DPP9: variants seen among roughly 807,000 people sequenced by gnomAD.
The protein encoded by DPP9 is dipeptidyl peptidase 9, also known as dipeptidyl peptidase IV-related protein-2.
In DPP9, 50 loss-of-function variants were observed where a neutral mutation model predicts 110.7. The observed-to-expected ratio is 0.45, with a 90% CI of 0.36 to 0.57. The LOEUF (loss-of-function observed/expected upper bound fraction) is 0.57. Among genes scored for constraint, DPP9 ranks in the 20% least tolerant of loss-of-function variants. The probability of loss-of-function intolerance (pLI) is 0.00; values close to 1 mark genes in which losing one functional copy is unlikely to be tolerated. For synonymous variants in DPP9, 561 were observed against 514.4 expected, an observed-to-expected ratio of 1.09 and a Z score of -1.23; for missense variants, 1,022 against 1,217.9, an observed-to-expected ratio of 0.84 and a Z score of 2.39.
In DPP9 at chr19:4,684,628, C is replaced by T. The variant is rs993878466; in HGVS notation, c.2178+35G>A. ...CGGCCCAGGGCTCCCTTCCCGAGACCCAAAGGACCCAGAGCAACAGGGAGG... is the reference window on the plus strand; with the variant it reads ...CGGCCCAGGGCTCCCTTCCCGAGACTCAAAGGACCCAGAGCAACAGGGAGG... On this transcript the variant is annotated intron_variant, in intron 18 of 21. Transcript: ENST00000262960. The surrounding 1 kb of genome is among the most constrained non-coding windows in gnomAD (Gnocchi z 4.8). 2 of 1,610,866 alleles carry T rather than the reference C, an allele frequency of 1.2e-6. No homozygotes were observed. The highest frequency in any genetic ancestry group is 1.1e-5 in the South Asian group (1 of 90,642).
chr19:4,680,056 C>T (rs1291741196), intron 20 of DPP9, 110 bp from the exon 21 acceptor site: 2 of 700,922 alleles, frequency 2.9e-6, no homozygotes, highest in Non-Finnish European at 2.5e-6. Context: ...ATGGTGAAAC[C>T]CTGTCTCTAC....
Position 4,704,527 on chromosome 19 carries a change from TAGG to T in DPP9, c.427-226_427-224del, listed in dbSNP as rs1315943625. Among the ~76,000 whole-genome samples, 22 of 152,090 alleles carry T rather than the reference TAGG, an allele frequency of 1.4e-4. No individual in the cohort carries two copies. Among genetic ancestry groups the T allele is most frequent in the Non-Finnish European group, 2.9e-4 (20 of 67,946 alleles). On this transcript the variant is annotated intron_variant, in intron 5 of 21. Coordinates refer to ENST00000262960, the MANE Select transcript of DPP9 (RefSeq NM_139159.5). This position sits in a 1 kb window ranked among gnomAD's most constrained non-coding sequence, Gnocchi z 6.0. ...GCCCTGCAGGACTGGCTGAGTGTCCTAGGAGGTGGCAGGGGAGACTCTGGGGCC... is the reference window on the plus strand; with the variant it reads ...GCCCTGCAGGACTGGCTGAGTGTCCTAGGTGGCAGGGGAGACTCTGGGGCC...
At chr19:4,683,374 C>A in intron 19 of DPP9, 103 bp downstream of exon 19, 1 of 1,543,818 alleles carries the variant, frequency 6.5e-7, no homozygotes, top group South Asian at 1.2e-5. Context: ...GGCGCCTCCC[C>A]GGTAGGTGGG....
Position 4,711,395 on chromosome 19 carries a change from C to T in DPP9, c.313+2686G>A, listed in dbSNP as rs957237615. Among the ~76,000 whole-genome samples, 4 of 152,168 alleles carry T rather than the reference C, an allele frequency of 2.6e-5. 1 individual carries two copies. Among genetic ancestry groups the T allele is most frequent in the South Asian group, 4.2e-4 (2 of 4,816 alleles). ...CGTTACACAGAGAGACAGGCCTGTG[C>T]GGCTGGGATTAAGTGAAGGCTCTTG... On this transcript the variant is annotated intron_variant, in intron 4 of 21. Coordinates refer to ENST00000262960, the MANE Select transcript of DPP9 (RefSeq NM_139159.5).
In DPP9 at chr19:4,676,649, G is replaced by A; in HGVS notation, c.2594C>T (p.Pro865Leu). 1 of 1,601,774 alleles carries A rather than the reference G, an allele frequency of 6.2e-7. No individual in the cohort carries two copies. Among genetic ancestry groups the A allele is most frequent in the Non-Finnish European group, 8.5e-7 (1 of 1,174,252 alleles). The change falls in exon 22 of 22, where the codon CCC becomes CTC. Residue 865 changes from proline to leucine, a missense_variant. Physicochemically the swap from Pro to Leu is moderately conservative, Grantham distance 98. Around this residue, in one of 3 missense-constraint regions of DPP9, gnomAD observed 209 missense variants for 280.4 expected, o/e 0.75. Coordinates refer to ENST00000262960, the MANE Select transcript of DPP9 (RefSeq NM_139159.5). This position sits in a 1 kb window ranked among gnomAD's most constrained non-coding sequence, Gnocchi z 4.0. ...GCAGCGAATACTGTGTCTCTCGTTG[G>A]GGTAGATCTGCGGGGAGACAGGAGG... is the stretch of plus-strand genomic sequence containing the variant. ...AGKPYQLQIYPNERHSIRCPE... is the reference protein window; with the variant it reads ...AGKPYQLQIYLNERHSIRCPE...
Position 4,704,019 on chromosome 19 carries a change from C to G in DPP9, c.636G>C (p.Gln212His). ...SPMKPLEIKTQCSGPRMDPKI... is the reference protein window; with the variant it reads ...SPMKPLEIKTHCSGPRMDPKI... ...TGGGGTCCATCCGGGGCCCTGAGCACTGGGTCTTGATTTCCAGCGGTTTCA... is the reference window on the plus strand; with the variant it reads ...TGGGGTCCATCCGGGGCCCTGAGCAGTGGGTCTTGATTTCCAGCGGTTTCA... Residue 212 changes from glutamine (Q) to histidine (H), a missense_variant, in exon 7 of 22, where the codon CAG (glutamine) becomes CAC (histidine). Physicochemically the swap from Gln to His is conservative, Grantham distance 24 (BLOSUM62 0). This residue lies in a region of DPP9 where 810 missense variants were observed against 920.6 expected (regional missense o/e 0.88). Transcript: ENST00000262960. The surrounding 1 kb of genome is among the most constrained non-coding windows in gnomAD (Gnocchi z 6.0). 6.2e-7 allele frequency: 1 copy of G among 1,614,068 alleles called. No homozygotes were observed. Among genetic ancestry groups the G allele is most frequent in the Non-Finnish European group, 8.5e-7 (1 of 1,179,906 alleles).
At chr19:4,688,142 TC>T (rs1161878716) in intron 16 of DPP9, 3 of 133,312 alleles carry the variant, frequency 2.3e-5, no homozygotes, top group African/African-American at 1.0e-4. Context: ...AGGGTCTTGC[TC>T]TGTTGCCCAG....
intron 2 of DPP9, among the ~76,000 whole-genome samples, chr19:4,720,158 C>A (rs1024320307): frequency 1.3e-5 from 2 of 152,228 alleles, no homozygotes; most frequent in Non-Finnish European, 2.9e-5. Flanking sequence ...TCATCTTTCT[C>A]AACAGGAGGT....
chr19:4,684,762 G>C lies in DPP9; in HGVS notation c.2079C>G (p.Leu693=). The change falls in exon 18 of 22, where the codon CTC becomes CTG. Residue 693 remains leucine, a synonymous_variant. Coordinates refer to ENST00000262960, the MANE Select transcript of DPP9 (RefSeq NM_139159.5). This position sits in a 1 kb window ranked among gnomAD's most constrained non-coding sequence, Gnocchi z 4.8. Reference sequence around the variant, plus strand: ...CGTAGCCCAGGGAGGCCAGTGTGTTGAGCCGCAAGTACTTGATGCCTTTGA... The same window carrying C: ...CGTAGCCCAGGGAGGCCAGTGTGTTCAGCCGCAAGTACTTGATGCCTTTGA... ...NSFKGIKYLR[L]NTLASLGYAV... 1 of 1,605,288 alleles carries C rather than the reference G, an allele frequency of 6.2e-7. No homozygotes were observed. The highest frequency in any genetic ancestry group is 1.3e-5 in the African/African-American group (1 of 74,876).
At chr19:4,701,989 A>G in intron 9 of DPP9, 38 bp downstream of exon 9, 1 of 1,600,446 alleles carries the variant, frequency 6.2e-7, no homozygotes, top group Non-Finnish European at 8.5e-7. Flanking sequence ...GGGGCCTCAG[A>G]TCCCCGGCCC....
Position 4,682,680 on chromosome 19 carries a change from A to G in DPP9, c.2474+16T>C, listed in dbSNP as rs2090073259. ...GAAGCCCCGGGGAGGAGCGCAGGGC[A>G]GGGCAGTGGCCTTACTCATTGGGCA... On this transcript the variant is annotated intron_variant, in intron 20 of 21. Coordinates refer to ENST00000262960, the MANE Select transcript of DPP9 (RefSeq NM_139159.5). This position sits in a 1 kb window ranked among gnomAD's most constrained non-coding sequence, Gnocchi z 7.1. The G allele has an allele frequency of 6.2e-7, 1 of 1,607,738 alleles. No individual in the cohort carries two copies. The highest frequency in any genetic ancestry group is 1.3e-5 in the African/African-American group (1 of 74,838).
chr19:4,688,976 T>TCCCCCCCCCCCCCC, intron 15 of DPP9, 84 bp from the exon 16 acceptor site: 1 of 1,413,718 alleles, frequency 7.1e-7, no homozygotes, highest in Non-Finnish European at 9.1e-7. Flanking sequence ...CAGGGTAGCT[T>TCCCCCCCCCCCCCC]CCCTCCCGCC....
At chr19:4,711,730 G>A (rs1318119214) in intron 4 of DPP9, among the ~76,000 whole-genome samples, 6 of 131,264 alleles carry the variant, frequency 4.6e-5, no homozygotes, top group South Asian at 2.4e-4. Context: ...CCAAGATTGC[G>A]CCATTGCACT....
At chr19:4,707,668 C>G (rs2092654372) in intron 4 of DPP9, among the ~76,000 whole-genome samples, 1 of 146,300 alleles carries the variant, frequency 6.8e-6, no homozygotes, top group Non-Finnish European at 1.5e-5. Context: ...CTCTGTCGCC[C>G]AGACTGGAGT....
At chr19:4,722,749 T>C (rs2093377141) in intron 1 of DPP9, 198 bp from the exon 2 acceptor site, 1 of 560,484 alleles carries the variant, frequency 1.8e-6, no homozygotes. Context: ...CGGGCCCCGA[T>C]TCCCCTGGGA....
chr19:4,717,326 C>T (rs944483107), intron 3 of DPP9, among the ~76,000 whole-genome samples: 1 of 152,174 alleles, frequency 6.6e-6, no homozygotes, highest in African/African-American at 2.4e-5. Flanking sequence ...CCACAAGCAG[C>T]GTTAGGCAGC....
At chr19:4,683,921 A>AC (rs2090298115) in intron 18 of DPP9, 2 of 1,088,592 alleles carry the variant, frequency 1.8e-6, no homozygotes, top group African/African-American at 1.6e-5. Flanking sequence ...CAGGAAGAGG[A>AC]CCCATTTTCT....
intron 11 of DPP9, 68 bp downstream of exon 11, chr19:4,697,483 C>T: frequency 7.2e-7 from 1 of 1,391,922 alleles, no homozygotes; most frequent in Non-Finnish European, 1.0e-6. Flanking sequence ...CAGGAGGCAG[C>T]TTCGGTGGCT....
chr19:4,676,410 G>T lies in DPP9; in HGVS notation c.*154C>A. ...GTTTAAAAAAGGATAAAAGGCGTCG[G>T]GGCGGTGAAGGCAGCGGCTCCTCGG... On this transcript the variant is annotated 3_prime_UTR_variant, in exon 22 of 22. Transcript: ENST00000262960. The surrounding 1 kb of genome is among the most constrained non-coding windows in gnomAD (Gnocchi z 4.0). 1.6e-6 allele frequency: 1 copy of T among 645,018 alleles called. No individual in the cohort carries two copies. The highest frequency in any genetic ancestry group is 2.8e-6 in the Non-Finnish European group (1 of 361,624). 40.0% of individuals were successfully genotyped at this position (645,018 alleles called of 1,614,324 possible). A position where few individuals can be genotyped will look rare whatever the true frequency, so the allele number is the denominator to read the frequency against.
Sources: gnomAD v4.1 joint callset for allele counts (sites outside exome capture counted in the v4.1 genomes callset) on GRCh38, gnomAD v4.1.1 for gene constraint, gnomAD v4.1.1 regional missense constraint, Gnocchi (gnomAD v3.1) non-coding constraint, MANE v1.5 for transcripts, NCBI Gene and HGNC (gene_info 2026-07-23, HGNC 2026-07-21) for gene names.